MAP4K4: variants seen among roughly 807,000 people sequenced by gnomAD.
The protein encoded by MAP4K4 is HPK/GCK-like kinase HGK.
A neutral mutation model predicts 189.6 loss-of-function variants in MAP4K4; 38 were observed. That is an observed-to-expected ratio of 0.20 (90% CI 0.15 to 0.26). The LOEUF is 0.26. Among genes scored for constraint, MAP4K4 ranks in the 10% least tolerant of loss-of-function variants. MAP4K4 has a pLI of 1.00. For synonymous variants in MAP4K4, 610 were observed against 624.3 expected, an observed-to-expected ratio of 0.98 and a Z score of 0.34; for missense variants, 1,054 against 1,726.9, an observed-to-expected ratio of 0.61 and a Z score of 6.91.
chr2:101,884,021 T>C (rs1408360206), intron 28 of MAP4K4, among the ~76,000 whole-genome samples: 1 of 152,174 alleles, frequency 6.6e-6, no homozygotes, highest in East Asian at 1.9e-4. Flanking sequence ...TGTACATGAA[T>C]AGATTATCCT....
At chr2:101,801,944 A>G (rs10172063) in intron 3 of MAP4K4, among the ~76,000 whole-genome samples, 33,065 of 152,130 alleles carry the variant, frequency 0.22, 8,247 homozygotes, top group African/African-American at 0.61. Flanking sequence ...TGGGTGGACT[A>G]CTTGCTTTCT....
chr2:101,850,047 A>T (rs1422560365), intron 12 of MAP4K4, among the ~76,000 whole-genome samples: 1 of 152,072 alleles, frequency 6.6e-6, no homozygotes, highest in African/African-American at 2.4e-5. Flanking sequence ...TTTCCTTTCA[A>T]AGCCTTTACC....
intron 27 of MAP4K4, among the ~76,000 whole-genome samples, chr2:101,882,090 C>G (rs1379885759): frequency 6.6e-6 from 1 of 152,144 alleles, no homozygotes; most frequent in African/African-American, 2.4e-5. Flanking sequence ...GCCAAACTTA[C>G]AAAAACAGTT....
At chr2:101,799,481 G>A (rs995958776) in intron 3 of MAP4K4, among the ~76,000 whole-genome samples, 1 of 151,900 alleles carries the variant, frequency 6.6e-6, no homozygotes, top group East Asian at 1.9e-4. Context: ...TTCCTTGCAG[G>A]CTCCTTCTTC....
chr2:101,870,167 T>G, intron 22 of MAP4K4, 128 bp from the exon 23 acceptor site: 3 of 968,134 alleles, frequency 3.1e-6, no homozygotes, highest in Non-Finnish European at 4.5e-6. Flanking sequence ...AAGCAGTTGC[T>G]TTTTTGGAGG....
intron 1 of MAP4K4, 93 bp from the exon 2 acceptor site, chr2:101,698,380 T>G: frequency 8.2e-7 from 1 of 1,223,878 alleles, no homozygotes; most frequent in Non-Finnish European, 1.2e-6. Context: ...CCCACCTCTT[T>G]TGTCACCGCC....
chr2:101,855,641 T>C (rs1006027912), intron 12 of MAP4K4, among the ~76,000 whole-genome samples: 2 of 152,212 alleles, frequency 1.3e-5, no homozygotes, highest in Non-Finnish European at 2.9e-5. Flanking sequence ...TCTTCTGACT[T>C]AAGGGTCCTG....
At chr2:101,860,756 A>G in intron 15 of MAP4K4, 69 bp from the exon 16 acceptor site, 1 of 1,310,476 alleles carries the variant, frequency 7.6e-7, no homozygotes, top group Non-Finnish European at 1.0e-6. Context: ...TTCCACTTTT[A>G]GACTTTCTTT....
intron 2 of MAP4K4, among the ~76,000 whole-genome samples, chr2:101,714,539 C>T (rs1329932711): frequency 6.6e-6 from 1 of 152,142 alleles, no homozygotes; most frequent in African/African-American, 2.4e-5. Flanking sequence ...ATTTTACTTT[C>T]TCCAAATAAC....
exon 4 of MAP4K4, chr2:101,824,006 G>A: frequency 6.2e-7 from 1 of 1,610,184 alleles, no homozygotes; most frequent in Non-Finnish European, 8.5e-7. Flanking sequence ...AACATATTAT[G>A]GTGCTTTCAT....
chr2:101,747,190 C>T (rs1376741069), intron 2 of MAP4K4, among the ~76,000 whole-genome samples: 2 of 152,080 alleles, frequency 1.3e-5, no homozygotes, highest in Non-Finnish European at 2.9e-5. Flanking sequence ...GCGATTTTGG[C>T]TCAGCGCAAC....
At chr2:101,890,528 C>G (rs766670468) in intron 32 of MAP4K4, among the ~76,000 whole-genome samples, 1 of 152,164 alleles carries the variant, frequency 6.6e-6, no homozygotes, top group Non-Finnish European at 1.5e-5. Context: ...GTGATCTCGG[C>G]TCACTGCAAC....
At chr2:101,737,447 ATATATATATATATATTTTT>A (rs2060739222) in intron 2 of MAP4K4, among the ~76,000 whole-genome samples, 1 of 33,480 alleles carries the variant, frequency 3.0e-5, no homozygotes, top group Non-Finnish European at 4.8e-5. Flanking sequence ...ATATATATAT[ATATATATATATATATTTTT>A]TTTTTTTTTT....
At chr2:101,855,562 T>C (rs907151597) in intron 12 of MAP4K4, among the ~76,000 whole-genome samples, 12 of 152,186 alleles carry the variant, frequency 7.9e-5, no homozygotes, top group Non-Finnish European at 1.5e-4. Flanking sequence ...CTTTTTTTCC[T>C]TTTTTAAATT....
intron 3 of MAP4K4, among the ~76,000 whole-genome samples, chr2:101,817,279 G>A: frequency 6.6e-6 from 1 of 152,070 alleles, no homozygotes; most frequent in East Asian, 1.9e-4. Context: ...TTAGATCCTG[G>A]AGGAAATAGT....
chr2:101,778,012 T>C (rs953716933), intron 2 of MAP4K4, among the ~76,000 whole-genome samples: 2 of 152,208 alleles, frequency 1.3e-5, no homozygotes, highest in African/African-American at 4.8e-5. Flanking sequence ...TGGAAGAGTT[T>C]CAATTCAGTG....
intron 3 of MAP4K4, among the ~76,000 whole-genome samples, chr2:101,801,472 C>G (rs998391898): frequency 1.3e-5 from 2 of 152,192 alleles, no homozygotes; most frequent in Non-Finnish European, 2.9e-5. Context: ...ACCAAAGAAG[C>G]TTGCTAGAGA....
At chr2:101,781,772 C>T (rs1021181917) in intron 2 of MAP4K4, among the ~76,000 whole-genome samples, 7 of 152,130 alleles carry the variant, frequency 4.6e-5, no homozygotes, top group Non-Finnish European at 8.8e-5. Context: ...CTCTCATGAC[C>T]GGATTTCTTC....
chr2:101,860,074 G>A, intron 15 of MAP4K4: 1 of 598,406 alleles, frequency 1.7e-6, no homozygotes. Flanking sequence ...TAAAGGACCA[G>A]AGTGCCTCAG....
Sources: gnomAD v4.1 joint callset for allele counts (sites outside exome capture counted in the v4.1 genomes callset) on GRCh38, gnomAD v4.1.1 for gene constraint, MANE v1.5 for transcripts, NCBI Gene and HGNC (gene_info 2026-07-23, HGNC 2026-07-21) for gene names.